CISD1: variants seen among roughly 807,000 people sequenced by gnomAD.
CISD1 encodes the protein CDGSH iron-sulfur domain-containing protein 1.
Under a neutral mutation model 12.0 loss-of-function variants are expected in CISD1, and 8 were observed. The observed-to-expected ratio is 0.67, with a 90% confidence interval of 0.39 to 1.20. The LOEUF (loss-of-function observed/expected upper bound fraction) is 1.20, where lower values mean the gene tolerates loss of function less well. CISD1 is among the 50% of genes most tolerant of loss of function. CISD1 has a pLI of 0.01. For missense variants in CISD1, 107 were observed against 132.7 expected (o/e 0.81, Z 0.95); for synonymous variants, 38 against 42.2 (o/e 0.90, Z 0.39).
intron 2 of CISD1, among the ~76,000 whole-genome samples, chr10:58,286,577 A>T (rs1839432506): frequency 6.6e-6 from 1 of 152,232 alleles, no homozygotes; most frequent in African/African-American, 2.4e-5. Context: ...CTGTGATTCA[A>T]ATGGGCTATA....
intron 2 of CISD1, among the ~76,000 whole-genome samples, chr10:58,286,513 G>T (rs1320397246): frequency 6.6e-6 from 1 of 152,180 alleles, no homozygotes; most frequent in Non-Finnish European, 1.5e-5. Context: ...CAGTCACCTT[G>T]AGAAACTCTG....
Position 58,269,318 on chromosome 10 carries a change from TG to T in CISD1, c.31+17del. 1 of 1,606,300 alleles carries T rather than the reference TG, an allele frequency of 6.2e-7. No homozygotes were observed. The highest frequency in any genetic ancestry group is 8.5e-7 in the Non-Finnish European group (1 of 1,178,882). On this transcript the variant is annotated intron_variant, in intron 1 of 2. Transcript: ENST00000333926. Reference sequence around the variant, plus strand: ...CCAGCGTACGAGGTGAAGTGGGGCCTGGGAGCGGGTGAGGCTGGTGAGGCTC... The same window carrying T: ...CCAGCGTACGAGGTGAAGTGGGGCCTGGAGCGGGTGAGGCTGGTGAGGCTC...
At chr10:58,275,412 G>T (rs1839301322) in intron 1 of CISD1, among the ~76,000 whole-genome samples, 1 of 152,124 alleles carries the variant, frequency 6.6e-6, no homozygotes, top group Non-Finnish European at 1.5e-5. Flanking sequence ...TAACCACAGG[G>T]TAATACCATG....
At chr10:58,282,517 A>C (rs1465368709) in intron 2 of CISD1, among the ~76,000 whole-genome samples, 1 of 152,218 alleles carries the variant, frequency 6.6e-6, no homozygotes, top group African/African-American at 2.4e-5. Context: ...ATGACAAGGA[A>C]AAAAGTGTAC....
In CISD1 at chr10:58,286,302, C is replaced by T. The variant is rs572033364; in HGVS notation, c.238-1259C>T. 2.0e-5 allele frequency among the ~76,000 whole-genome samples: 3 copies of T among 151,964 alleles called. No homozygotes were observed. In the South Asian group the frequency reaches 6.2e-4, roughly 32 times the overall value. Reference sequence around the variant, plus strand: ...AATGCAAATATCCCAGCGTAGTAGGCCGATCAACGTAACATAGAACCTATA... The same window carrying T: ...AATGCAAATATCCCAGCGTAGTAGGTCGATCAACGTAACATAGAACCTATA... On this transcript the variant is annotated intron_variant, in intron 2 of 2. Coordinates refer to ENST00000333926, the MANE Select transcript of CISD1 (RefSeq NM_018464.5).
At chr10:58,272,883 C>T (rs951250052) in intron 1 of CISD1, among the ~76,000 whole-genome samples, 1 of 152,160 alleles carries the variant, frequency 6.6e-6, no homozygotes, top group African/African-American at 2.4e-5. Flanking sequence ...TGCACCACTG[C>T]ACTCCAGCCT....
In CISD1 at chr10:58,289,567, T is replaced by A. The variant is rs998770957; in HGVS notation, c.*1917T>A. ...TTTATGATTAAAACCCTTTTCAGGT[T>A]ATTTGACCTAAAAACCAAAGTGAGT... On this transcript the variant is annotated 3_prime_UTR_variant, in exon 3 of 3. Transcript: ENST00000333926. 2 of 152,110 alleles carry A rather than the reference T, an allele frequency of 1.3e-5. No homozygotes were observed. Among genetic ancestry groups the A allele is most frequent in the Non-Finnish European group, 2.9e-5 (2 of 67,944 alleles). 9.4% of individuals were successfully genotyped at this position (152,110 alleles called of 1,614,324 possible).
chr10:58,277,513 G>A (rs1437662910), intron 2 of CISD1, among the ~76,000 whole-genome samples, 191 bp downstream of exon 2: 9 of 151,796 alleles, frequency 5.9e-5, no homozygotes, highest in African/African-American at 1.9e-4. Flanking sequence ...TCCACCTCCC[G>A]GTTCAAGTGA....
chr10:58,289,441 G>A lies in CISD1; in HGVS notation c.*1791G>A, dbSNP rs1224510121. Reference sequence around the variant, plus strand: ...CAAAATTATAAATGACCACCTTACTGTGAAATATAGATCTTGAGCATTTTG... The same window carrying A: ...CAAAATTATAAATGACCACCTTACTATGAAATATAGATCTTGAGCATTTTG... On this transcript the variant is annotated 3_prime_UTR_variant, in exon 3 of 3. Transcript: ENST00000333926. 5 of 152,018 alleles carry A rather than the reference G, an allele frequency of 3.3e-5. No homozygotes were observed. The highest frequency in any genetic ancestry group is 7.4e-5 in the Non-Finnish European group (5 of 67,904). The allele number at this position is 152,018 out of a possible 1,614,324, so 9.4% of individuals were successfully genotyped here.
rs200260437 is a variant in CISD1, at chr10:58,278,561, GA to G, written c.237+1246del. Among the ~76,000 whole-genome samples the G allele has an allele frequency of 9.2e-3, 1,397 of 151,888 alleles. 14 individuals are homozygous for G. Among genetic ancestry groups the G allele is most frequent in the South Asian group, 0.018 (85 of 4,802 alleles). ...CTCAAAAAATAAAATAAAATACAAT[GA>G]AAAAAATAATGTTAAAGGGCCCCCA... On this transcript the variant is annotated intron_variant, in intron 2 of 2. Transcript: ENST00000333926.
chr10:58,277,027 T>C, intron 1 of CISD1, 90 bp from the exon 2 acceptor site: 1 of 866,476 alleles, frequency 1.2e-6, no homozygotes, highest in South Asian at 1.7e-5. Context: ...GGATGCTTAA[T>C]ACTCAAAAAC....
chr10:58,286,999 C>G lies in CISD1; in HGVS notation c.238-562C>G, dbSNP rs150855355. On this transcript the variant is annotated intron_variant, in intron 2 of 2. Coordinates refer to ENST00000333926, the MANE Select transcript of CISD1 (RefSeq NM_018464.5). ...CAAGGCTGGAGTGCAGTGGCACAATCTCGGCTCACCGCAACTTCCCCTCCC... is the reference window on the plus strand; with the variant it reads ...CAAGGCTGGAGTGCAGTGGCACAATGTCGGCTCACCGCAACTTCCCCTCCC... Among the ~76,000 whole-genome samples the G allele has an allele frequency of 9.8e-3, 1,490 of 152,290 alleles. 8 individuals carry two copies. The highest frequency in any genetic ancestry group is 0.031 in the Middle Eastern group (9 of 292).
At chr10:58,280,610 A>G (rs1043190784) in intron 2 of CISD1, among the ~76,000 whole-genome samples, 11 of 152,200 alleles carry the variant, frequency 7.2e-5, no homozygotes, top group African/African-American at 7.2e-5. Flanking sequence ...GATAGAGATC[A>G]GCAAAACTGA....
chr10:58,284,492 G>T (rs930526127), intron 2 of CISD1, among the ~76,000 whole-genome samples: 1 of 152,090 alleles, frequency 6.6e-6, no homozygotes, highest in African/African-American at 2.4e-5. Context: ...CATTATAAAG[G>T]CATAAAAGCT....
chr10:58,283,317 A>G (rs1329335724), intron 2 of CISD1, among the ~76,000 whole-genome samples: 1 of 152,202 alleles, frequency 6.6e-6, no homozygotes, highest in African/African-American at 2.4e-5. Flanking sequence ...TTATCTTTGT[A>G]CATTTTCATA....
At chr10:58,282,785 C>T (rs2132283469) in intron 2 of CISD1, 1 of 152,242 alleles carries the variant, frequency 6.6e-6, no homozygotes, top group East Asian at 1.9e-4. Context: ...TGAAACTCAG[C>T]CTTAAAAAGG....
At chr10:58,275,153 T>C (rs1839298384) in intron 1 of CISD1, among the ~76,000 whole-genome samples, 1 of 152,198 alleles carries the variant, frequency 6.6e-6, no homozygotes, top group African/African-American at 2.4e-5. Context: ...ATTGCCCCCC[T>C]TTAAGTTTGT....
chr10:58,286,934 T>G lies in CISD1; in HGVS notation c.238-627T>G, dbSNP rs1451854278. On this transcript the variant is annotated intron_variant, in intron 2 of 2. Transcript: ENST00000333926. The stretch of plus-strand genomic sequence containing the variant: ...AAATAACAGAGGAATAATATGCAGT[T>G]GATTTATTTTTTATTTTTTATTTTT... 2.0e-5 allele frequency among the ~76,000 whole-genome samples: 3 copies of G among 152,276 alleles called. No homozygotes were observed. In the East Asian group the frequency reaches 5.8e-4, roughly 29 times the overall value.
At chr10:58,279,159 G>C (rs574233809) in intron 2 of CISD1, among the ~76,000 whole-genome samples, 2 of 152,194 alleles carry the variant, frequency 1.3e-5, no homozygotes, top group Non-Finnish European at 2.9e-5. Flanking sequence ...ATGGTTCCTT[G>C]TATACAAACT....
Sources: allele counts gnomAD v4.1 joint callset (sites outside exome capture counted in the v4.1 genomes callset), GRCh38; gene constraint gnomAD v4.1.1; transcripts MANE v1.5; gene names NCBI Gene and HGNC (gene_info 2026-07-23, HGNC 2026-07-21).